TDP1: variants seen among roughly 807,000 people sequenced by gnomAD.
TDP1 encodes tyr-DNA phosphodiesterase 1.
A neutral mutation model predicts 81.5 loss-of-function variants in TDP1; 64 were observed. That is an observed-to-expected ratio of 0.79 (90% CI 0.64 to 0.97). The LOEUF is 0.97. TDP1 is among the 50% of genes least tolerant of loss of function. TDP1 has a pLI of 0.00. For missense variants in TDP1, 723 were observed against 743.8 expected (o/e 0.97, Z 0.33); for synonymous variants, 256 against 264.3 (o/e 0.97, Z 0.30).
intron 15 of TDP1, among the ~76,000 whole-genome samples, chr14:90,020,584 C>CCCTCCCTCCT (rs1885937868): frequency 1.9e-4 from 2 of 10,298 alleles, no homozygotes; most frequent in African/African-American, 1.0e-3. Flanking sequence ...CCTTCCTTCC[C>CCCTCCCTCCT]TCCCTCCCTC....
At chr14:90,009,792 AATAG>A (rs1471271364) in intron 14 of TDP1, among the ~76,000 whole-genome samples, 1 of 152,268 alleles carries the variant, frequency 6.6e-6, no homozygotes, top group East Asian at 1.9e-4. Context: ...TCAGCATAAC[AATAG>A]ATAAATTGAT....
intron 5 of TDP1, chr14:89,970,844 T>A: frequency 1.3e-6 from 1 of 749,476 alleles, no homozygotes; most frequent in Non-Finnish European, 1.6e-6. Flanking sequence ...TATTTATTTA[T>A]TTATTTATTT....
At chr14:89,987,722 T>A (rs1895725240) in intron 10 of TDP1, among the ~76,000 whole-genome samples, 1 of 152,160 alleles carries the variant, frequency 6.6e-6, no homozygotes, top group African/African-American at 2.4e-5. Flanking sequence ...GGGAGAAAGT[T>A]CTGCTCTGGA....
intron 4 of TDP1, 115 bp downstream of exon 4, chr14:89,966,305 G>C: frequency 1.3e-6 from 1 of 764,940 alleles, no homozygotes; most frequent in Non-Finnish European, 2.3e-6. Flanking sequence ...TTCAAAGACT[G>C]AGATGGCACA....
chr14:90,042,892 T>C, intron 16 of TDP1, 178 bp from the exon 17 acceptor site: 4 of 985,424 alleles, frequency 4.1e-6, no homozygotes, highest in Non-Finnish European at 4.8e-6. Flanking sequence ...CCTAGTGTCC[T>C]AATAGGAGCC....
intron 14 of TDP1, among the ~76,000 whole-genome samples, chr14:90,017,808 T>A (rs1885491811): frequency 6.6e-6 from 1 of 152,230 alleles, no homozygotes; most frequent in Admixed American, 6.5e-5. Context: ...TAAAAAAAGT[T>A]TTTTTCCTAG....
intron 12 of TDP1, among the ~76,000 whole-genome samples, chr14:89,990,709 A>G (rs1289943677): frequency 6.6e-6 from 1 of 151,826 alleles, no homozygotes; most frequent in Non-Finnish European, 1.5e-5. Flanking sequence ...ATTTTTAACA[A>G]AGTTGTTTTA....
At chr14:89,982,299 T>C (rs1169911009) in intron 8 of TDP1, among the ~76,000 whole-genome samples, 2 of 152,226 alleles carry the variant, frequency 1.3e-5, no homozygotes, top group African/African-American at 4.8e-5. Flanking sequence ...GCTTGGTCTC[T>C]AAGTCTCAGC....
intron 6 of TDP1, 31 bp downstream of exon 6, chr14:89,971,302 C>A: frequency 1.3e-6 from 2 of 1,540,672 alleles, no homozygotes; most frequent in Non-Finnish European, 1.8e-6. Flanking sequence ...GGAGAGCACG[C>A]GTAGTCTGAG....
In TDP1 at chr14:90,017,202, G is replaced by A. The variant is rs73328456; in HGVS notation, c.1542-2114G>A. On this transcript the variant is annotated intron_variant, in intron 14 of 16. Coordinates refer to ENST00000335725, the MANE Select transcript of TDP1 (RefSeq NM_018319.4). ...ACATAGTGCTTTTGCTGTACATGAC[G>A]GGCGTGTGTGTGCACGCACACACAC... Among the ~76,000 whole-genome samples the A allele has an allele frequency of 3.9e-3, 586 of 151,734 alleles. 2 individuals are homozygous for A. The highest frequency in any genetic ancestry group is 0.014 in the African/African-American group (566 of 41,368).
intron 3 of TDP1, chr14:89,965,653 A>T: frequency 5.7e-6 from 2 of 352,882 alleles, no homozygotes; most frequent in Non-Finnish European, 7.9e-6. Flanking sequence ...CAGGAATGTG[A>T]GTTGATAATT....
At chr14:90,013,003 T>C (rs1460955456) in intron 14 of TDP1, among the ~76,000 whole-genome samples, 1 of 152,240 alleles carries the variant, frequency 6.6e-6, no homozygotes, top group African/African-American at 2.4e-5. Flanking sequence ...ATGGGGCCTG[T>C]AGCCCCTTTG....
chr14:89,998,237 G>T (rs1243033763), intron 14 of TDP1, among the ~76,000 whole-genome samples: 9 of 151,514 alleles, frequency 5.9e-5, no homozygotes, highest in African/African-American at 2.2e-4. Flanking sequence ...TGCCCAATGA[G>T]TTAAGATCAA....
intron 7 of TDP1, among the ~76,000 whole-genome samples, chr14:89,977,784 G>A (rs1316402541): frequency 6.6e-6 from 1 of 152,138 alleles, no homozygotes; most frequent in Non-Finnish European, 1.5e-5. Context: ...CACCTCACAG[G>A]GTAGAGCTAG....
At chr14:89,977,676 A>C (rs1894514493) in intron 7 of TDP1, among the ~76,000 whole-genome samples, 1 of 152,260 alleles carries the variant, frequency 6.6e-6, no homozygotes, top group Admixed American at 6.5e-5. Context: ...TTTTATTCTT[A>C]CAGCTTTTTC....
intron 8 of TDP1, among the ~76,000 whole-genome samples, chr14:89,983,577 C>G (rs369722988): frequency 2.0e-5 from 3 of 152,132 alleles, no homozygotes; most frequent in African/African-American, 7.2e-5. Flanking sequence ...AGAGTAGCCA[C>G]AGAAGGGGAA....
intron 15 of TDP1, among the ~76,000 whole-genome samples, chr14:90,029,570 C>T (rs1221142200): frequency 6.7e-6 from 1 of 149,020 alleles, no homozygotes; most frequent in Non-Finnish European, 1.5e-5. Context: ...TCGATCTCGG[C>T]TCAGTGCAAC....
intron 16 of TDP1, among the ~76,000 whole-genome samples, chr14:90,034,219 T>C (rs923794626): frequency 2.0e-5 from 3 of 152,250 alleles, no homozygotes; most frequent in Admixed American, 6.5e-5. Flanking sequence ...TGTTGTGATA[T>C]CACATCGCAT....
At chr14:90,009,014 C>T (rs193243637) in intron 14 of TDP1, among the ~76,000 whole-genome samples, 4 of 152,348 alleles carry the variant, frequency 2.6e-5, no homozygotes, top group Middle Eastern at 3.4e-3. Flanking sequence ...CAGCTCAAAT[C>T]ATTTTAAGTA....
Sources: allele counts gnomAD v4.1 joint callset (sites outside exome capture counted in the v4.1 genomes callset), GRCh38; gene constraint gnomAD v4.1.1; transcripts MANE v1.5; gene names NCBI Gene and HGNC (gene_info 2026-07-23, HGNC 2026-07-21).